The following LMO3 variants were observed in gnomAD, a reference collection of about 807,000 sequenced individuals.
LMO3 encodes LIM domain only 3.
A neutral mutation model predicts 15.8 loss-of-function variants in LMO3; 2 were observed. The ratio of observed to expected loss-of-function variants is 0.13; its 90% CI spans 0.05 to 0.40. The LOEUF (loss-of-function observed/expected upper bound fraction) is 0.40, where lower values mean the gene tolerates loss of function less well. Among genes scored for constraint, LMO3 ranks in the 10% least tolerant of loss-of-function variants. The pLI, the probability that LMO3 is intolerant of heterozygous loss-of-function variation, is 0.99. For synonymous variants in LMO3, 62 were observed against 63.8 expected, an observed-to-expected ratio of 0.97 and a Z score of 0.13; for missense variants, 86 against 182.2, an observed-to-expected ratio of 0.47 and a Z score of 3.04.
chr12:16,573,791 C>G (rs1565494109), intron 2 of LMO3: 1 of 152,122 alleles, frequency 6.6e-6, no homozygotes, highest in Non-Finnish European at 1.5e-5. Context: ...AGAAGTTGAT[C>G]GGGGGTAGAG....
intron 2 of LMO3, among the ~76,000 whole-genome samples, chr12:16,568,079 T>A (rs558243462): frequency 6.6e-6 from 1 of 152,164 alleles, no homozygotes; most frequent in South Asian, 2.1e-4. Context: ...CAATAGAAAA[T>A]AAAAAGGAAT....
rs1346330415 is a variant in LMO3 at position 16,582,343 on chromosome 12, T to G, written c.206+18312A>C. ...AAACATCTTACCTGTTCCTATAGTA[T>G]TATTCATTTTAGACAGTGACAGACT... On this transcript the variant is annotated intron_variant, in intron 2 of 3. Coordinates refer to ENST00000537304, the MANE Select transcript of LMO3 (RefSeq NM_018640.5). This position sits in a 1 kb window ranked among gnomAD's most constrained non-coding sequence, Gnocchi z 4.1. Among the ~76,000 whole-genome samples the G allele has an allele frequency of 6.6e-6, 1 of 152,234 alleles. No individual in the cohort carries two copies. The highest frequency in any genetic ancestry group is 6.5e-5 in the Admixed American group (1 of 15,286).
At chr12:16,564,436 C>G (rs896149161) in intron 2 of LMO3, among the ~76,000 whole-genome samples, 1 of 152,212 alleles carries the variant, frequency 6.6e-6, no homozygotes, top group African/African-American at 2.4e-5. Context: ...AGTGTATATC[C>G]ATTTCTAACG....
At position 16,603,185 on chromosome 12, in the gene LMO3, C is replaced by G. The variant is rs540426578; in HGVS notation, c.-8-2317G>C. Among the ~76,000 whole-genome samples, 6 of 152,300 alleles carry G rather than the reference C, an allele frequency of 3.9e-5. No homozygotes were observed. The highest frequency in any genetic ancestry group is 3.9e-4 in the Admixed American group (6 of 15,302). On this transcript the variant is annotated intron_variant, in intron 1 of 3. Transcript: ENST00000537304. This position sits in a 1 kb window ranked among gnomAD's most constrained non-coding sequence, Gnocchi z 4.9. The stretch of plus-strand genomic sequence containing the variant: ...TTGTTGTGTTGACATTTTAATTTAG[C>G]ACTCAGAGGCCAATTAATATTTGAA...
chr12:16,572,339 CTT>C (rs59773866), intron 2 of LMO3, among the ~76,000 whole-genome samples: 3,317 of 89,376 alleles, frequency 0.037, 33 homozygotes, highest in African/African-American at 0.13. Flanking sequence ...GGTCCAAACT[CTT>C]TTTTTTTTTT....
In LMO3 at chr12:16,591,548, A is replaced by T. The variant is rs1453743880; in HGVS notation, c.206+9107T>A. Among the ~76,000 whole-genome samples, 3 of 147,820 alleles carry T rather than the reference A, an allele frequency of 2.0e-5. No individual in the cohort carries two copies. Among genetic ancestry groups the T allele is most frequent in the Non-Finnish European group, 4.5e-5 (3 of 66,840 alleles). On this transcript the variant is annotated intron_variant, in intron 2 of 3. Transcript: ENST00000537304. This position sits in a 1 kb window ranked among gnomAD's most constrained non-coding sequence, Gnocchi z 4.1. ...TATTTTTGTGTTTTATTTAGTGCTT[A>T]TGTCAAGGCCTTTTACAGTACCTAG... is the stretch of plus-strand genomic sequence containing the variant.
intron 1 of LMO3, chr12:16,605,744 G>C: frequency 2.0e-6 from 3 of 1,533,960 alleles, no homozygotes; most frequent in Non-Finnish European, 2.6e-6. Flanking sequence ...GGTGAACTTT[G>C]ACTATTATCC....
At chr12:16,600,517 G>T in intron 2 of LMO3, 138 bp downstream of exon 2, 1 of 687,452 alleles carries the variant, frequency 1.5e-6, no homozygotes. Context: ...ACAGGGCAAC[G>T]CTTTGAAGGC....
intron 2 of LMO3, among the ~76,000 whole-genome samples, chr12:16,578,351 C>T (rs962989228): frequency 6.6e-5 from 10 of 152,058 alleles, no homozygotes; most frequent in African/African-American, 2.2e-4. Context: ...TTAAAAATAA[C>T]TTCCTACTTT....
intron 2 of LMO3, among the ~76,000 whole-genome samples, chr12:16,595,479 G>A (rs1943619908): frequency 6.6e-6 from 1 of 151,210 alleles, no homozygotes; most frequent in Non-Finnish European, 1.5e-5. Context: ...TCCAGAATGA[G>A]GGGCACTCTT....
rs900381553 is a variant in LMO3, at chr12:16,596,150, T to G, written c.206+4505A>C. 4.0e-5 allele frequency among the ~76,000 whole-genome samples: 6 copies of G among 151,554 alleles called. No individual in the cohort carries two copies. Among genetic ancestry groups the G allele is most frequent in the South Asian group, 2.1e-4 (1 of 4,832 alleles). On this transcript the variant is annotated intron_variant, in intron 2 of 3. Coordinates refer to ENST00000537304, the MANE Select transcript of LMO3 (RefSeq NM_018640.5). The surrounding 1 kb of genome is among the most constrained non-coding windows in gnomAD (Gnocchi z 4.3). ...GTTACAGCTAGATTTATGCCCTATG[T>G]GGCAATTTATTTTTATTTTCTCTTT...
chr12:16,588,863 A>G (rs1419139268), intron 2 of LMO3, among the ~76,000 whole-genome samples: 2 of 152,054 alleles, frequency 1.3e-5, no homozygotes, highest in Admixed American at 1.3e-4. Flanking sequence ...TCTTATCTTC[A>G]TAACTCAGTG....
At position 16,597,609 on chromosome 12, in the gene LMO3, C is replaced by T. The variant is rs139371977; in HGVS notation, c.206+3046G>A. On this transcript the variant is annotated intron_variant, in intron 2 of 3. Transcript: ENST00000537304. The surrounding 1 kb of genome is among the most constrained non-coding windows in gnomAD (Gnocchi z 5.0). ...ATCTGGCCCAGGACAATACTTGTAA[C>T]CAACAATATATGTGGACAGGCAAAT... 16 of 151,856 alleles carry T rather than the reference C, an allele frequency of 1.1e-4. No homozygotes were observed. In the East Asian group the frequency reaches 2.9e-3, roughly 28 times the overall value. The allele number at this position is 151,856 out of a possible 1,614,324, so 9.4% of individuals were successfully genotyped here. A position where few individuals can be genotyped will look rare whatever the true frequency, so the allele number is the denominator to read the frequency against.
At chr12:16,554,938 C>G (rs1339981465) in intron 3 of LMO3, among the ~76,000 whole-genome samples, 1 of 152,104 alleles carries the variant, frequency 6.6e-6, no homozygotes, top group Non-Finnish European at 1.5e-5. Flanking sequence ...CTGGGATTAC[C>G]GGCATTAGCC....
rs959586472 is a variant in LMO3, at chr12:16,596,284, C to G, written c.206+4371G>C. On this transcript the variant is annotated intron_variant, in intron 2 of 3. Transcript: ENST00000537304. The surrounding 1 kb of genome is among the most constrained non-coding windows in gnomAD (Gnocchi z 4.3). ...CTATGGTGAAGCATGAAGCATCACT[C>G]TTTCCCAGTAGTTTCATTTTAAACA... Among the ~76,000 whole-genome samples, 10 of 151,612 alleles carry G rather than the reference C, an allele frequency of 6.6e-5. No homozygotes were observed. Among genetic ancestry groups the G allele is most frequent in the Non-Finnish European group, 1.3e-4 (9 of 67,622 alleles).
In LMO3 at chr12:16,551,274, G is replaced by A. The variant is rs145877643; in HGVS notation, c.386C>T (p.Thr129Met). 3.5e-5 allele frequency: 57 copies of A among 1,612,854 alleles called. No individual in the cohort carries two copies. The highest frequency in any genetic ancestry group is 4.5e-5 in the East Asian group (2 of 44,862). ...FLKNNMILCQ[T>M]DYEEGLMKEG... ...TTTCATTAAACCTTCCTCGTAGTCCGTCTGGCAAAGGATCATGTTATTCTT... is the reference window on the plus strand; with the variant it reads ...TTTCATTAAACCTTCCTCGTAGTCCATCTGGCAAAGGATCATGTTATTCTT... The change falls in exon 4 of 4, where the codon ACG (threonine) becomes ATG (methionine). Residue 129 changes from threonine to methionine, a missense_variant. Coordinates refer to ENST00000537304, the MANE Select transcript of LMO3 (RefSeq NM_018640.5).
intron 2 of LMO3, among the ~76,000 whole-genome samples, chr12:16,583,268 A>C (rs1443839851): frequency 6.6e-6 from 1 of 152,136 alleles, no homozygotes; most frequent in African/African-American, 2.4e-5. Context: ...AAGGAGTGCA[A>C]AGGAGGTTGA....
chr12:16,605,428 ACCCGCCTGCCCCCCCCC>A, intron 1 of LMO3: 3 of 731,334 alleles, frequency 4.1e-6, no homozygotes, highest in Non-Finnish European at 4.9e-6. Context: ...TTCTGCCCCT[ACCCGCCTGCCCCCCCCC>A]CCCGCCCCCA....
chr12:16,594,020 G>C (rs1417560108), intron 2 of LMO3: 2 of 832,654 alleles, frequency 2.4e-6, no homozygotes, highest in African/African-American at 3.4e-5. Context: ...TTTTATAAAA[G>C]TTGTCCTACA....
Sources: allele counts gnomAD v4.1 joint callset (sites outside exome capture counted in the v4.1 genomes callset), GRCh38; gene constraint gnomAD v4.1.1; non-coding constraint Gnocchi (gnomAD v3.1); transcripts MANE v1.5; gene names NCBI Gene and HGNC (gene_info 2026-07-23, HGNC 2026-07-21).